Variants in ANO4 observed in about 807,000 individuals in gnomAD.
The protein encoded by ANO4 is anoctamin 4, also known as anoctamin-4.
Under a neutral mutation model 141.9 loss-of-function variants are expected in ANO4, and 69 were observed. The observed-to-expected ratio is 0.49, with a 90% CI of 0.40 to 0.59. The LOEUF (loss-of-function observed/expected upper bound fraction) is 0.59. ANO4 is among the 20% of genes least tolerant of loss of function. The pLI is 0.00. For synonymous variants in ANO4, 350 were observed against 394.3 expected, an observed-to-expected ratio of 0.89 and a Z score of 1.33; for missense variants, 894 against 1,162.2, an observed-to-expected ratio of 0.77 and a Z score of 3.36.
At chr12:101,035,141 AC>A (rs2047143550) in intron 9 of ANO4, among the ~76,000 whole-genome samples, 2 of 152,212 alleles carry the variant, frequency 1.3e-5, no homozygotes, top group Admixed American at 1.3e-4. Context: ...ACTATAAAGG[AC>A]CCAAATGTCT....
chr12:101,080,883 T>TATATATATATATATTATATATATA (rs1491584060), intron 15 of ANO4, among the ~76,000 whole-genome samples: 2 of 74,072 alleles, frequency 2.7e-5, no homozygotes, highest in South Asian at 6.4e-4. Flanking sequence ...TATATATATA[T>TATATATATATATATTATATATATA]TATATATATA....
chr12:100,784,041 A>G (rs1327963085), intron 3 of ANO4, among the ~76,000 whole-genome samples: 3 of 152,118 alleles, frequency 2.0e-5, no homozygotes, highest in Non-Finnish European at 2.9e-5. Context: ...GGCAAGTGCA[A>G]TCTAATGTTC....
At chr12:100,732,485 T>C (rs1368732544) in intron 1 of ANO4, among the ~76,000 whole-genome samples, 1 of 152,176 alleles carries the variant, frequency 6.6e-6, no homozygotes, top group Non-Finnish European at 1.5e-5. Flanking sequence ...TTATCAGATA[T>C]GTGTTTTACA....
At chr12:101,075,599 TA>T (rs756172390) in intron 14 of ANO4, among the ~76,000 whole-genome samples, 1 of 150,994 alleles carries the variant, frequency 6.6e-6, no homozygotes. Context: ...ATACACTTTT[TA>T]ATCAAACTTA....
intron 3 of ANO4, among the ~76,000 whole-genome samples, chr12:100,744,915 A>C (rs1593257218): frequency 2.8e-5 from 4 of 141,660 alleles, no homozygotes; most frequent in Admixed American, 7.1e-5. Flanking sequence ...CCTTTCCCTC[A>C]CTCCCCCTCA....
chr12:100,849,501 CTGTT>C (rs1309817668), intron 1 of ANO4, among the ~76,000 whole-genome samples: 3 of 152,150 alleles, frequency 2.0e-5, no homozygotes, highest in Non-Finnish European at 4.4e-5. Context: ...TGCAGGCTGT[CTGTT>C]TGCTTTTTTA....
chr12:100,812,396 G>A (rs1344127414), intron 1 of ANO4, among the ~76,000 whole-genome samples: 1 of 152,152 alleles, frequency 6.6e-6, no homozygotes, highest in Non-Finnish European at 1.5e-5. Flanking sequence ...TTATAGGGAA[G>A]TAGCTCTGTT....
At chr12:100,905,258 T>C (rs537847526) in intron 2 of ANO4, among the ~76,000 whole-genome samples, 1 of 152,010 alleles carries the variant, frequency 6.6e-6, no homozygotes, top group African/African-American at 2.4e-5. Flanking sequence ...TTTAAAGAAA[T>C]GAGATTGCAA....
In ANO4 at chr12:101,123,442, A is replaced by G. The variant is rs372579237; in HGVS notation, c.2676+2817A>G. Among the ~76,000 whole-genome samples the G allele has an allele frequency of 4.6e-5, 7 of 152,170 alleles. No individual in the cohort carries two copies. The East Asian group carries it at 1.2e-3, about 25-fold the overall frequency. On this transcript the variant is annotated intron_variant, in intron 26 of 27. Coordinates refer to ENST00000392977, the MANE Select transcript of ANO4 (RefSeq NM_001286615.2). Reference sequence around the variant, plus strand: ...CCAGGTATTAAGCTCAGCATCCCTTAGCTATTCTTTCTGATGCTCTCCCTT... The same window carrying G: ...CCAGGTATTAAGCTCAGCATCCCTTGGCTATTCTTTCTGATGCTCTCCCTT...
intron 8 of ANO4, among the ~76,000 whole-genome samples, chr12:100,989,872 ATGGATGGATGGATGGATGGG>A (rs974383140): frequency 4.7e-5 from 7 of 148,910 alleles, no homozygotes; most frequent in African/African-American, 1.5e-4. Context: ...AGGTCACCAG[ATGGATGGATGGATGGATGGG>A]TGGATGGATG....
At chr12:100,927,974 G>A (rs748779421) in intron 3 of ANO4, among the ~76,000 whole-genome samples, 20 of 152,116 alleles carry the variant, frequency 1.3e-4, no homozygotes, top group African/African-American at 4.3e-4. Flanking sequence ...GTGCTTGCAC[G>A]TGTGTCTACA....
At chr12:100,765,745 A>G (rs2033053236) in intron 3 of ANO4, among the ~76,000 whole-genome samples, 1 of 151,228 alleles carries the variant, frequency 6.6e-6, no homozygotes, top group Non-Finnish European at 1.5e-5. Flanking sequence ...AATTTAATTA[A>G]TTAGATTTTA....
chr12:100,718,859 T>C (rs2030731651), intron 1 of ANO4, among the ~76,000 whole-genome samples: 1 of 152,242 alleles, frequency 6.6e-6, no homozygotes, highest in Non-Finnish European at 1.5e-5. Flanking sequence ...ATTTTAGGCA[T>C]ATTCATTGGC....
chr12:100,964,440 C>CA (rs1293103205), intron 5 of ANO4, among the ~76,000 whole-genome samples: 1 of 151,754 alleles, frequency 6.6e-6, no homozygotes, highest in African/African-American at 2.4e-5. Flanking sequence ...CCGTCTCTAT[C>CA]ATTACTATTC....
chr12:100,891,086 C>G (rs142452011), intron 1 of ANO4, among the ~76,000 whole-genome samples: 215 of 152,230 alleles, frequency 1.4e-3, no homozygotes, highest in African/African-American at 5.0e-3. Flanking sequence ...AGTAATGGTT[C>G]TTGAACATTT....
intron 1 of ANO4, among the ~76,000 whole-genome samples, chr12:100,811,157 A>G (rs754459484): frequency 8.5e-5 from 13 of 152,194 alleles, no homozygotes; most frequent in Non-Finnish European, 1.8e-4. Flanking sequence ...GGGCGGTCAC[A>G]GAAACGGACT....
chr12:101,015,439 C>G (rs917014157), intron 8 of ANO4, among the ~76,000 whole-genome samples: 3 of 152,136 alleles, frequency 2.0e-5, no homozygotes, highest in African/African-American at 7.2e-5. Flanking sequence ...ACCAAGGGCC[C>G]TTAATCTATT....
At chr12:101,080,898 T>TA (rs1279951129) in intron 15 of ANO4, among the ~76,000 whole-genome samples, 2 of 124,076 alleles carry the variant, frequency 1.6e-5, no homozygotes, top group African/African-American at 2.9e-5. Context: ...TATATATATA[T>TA]ATACATACAC....
chr12:100,769,520 T>A (rs1405850050), intron 3 of ANO4, among the ~76,000 whole-genome samples: 1 of 152,220 alleles, frequency 6.6e-6, no homozygotes, highest in East Asian at 1.9e-4. Context: ...TCCTAGTTTT[T>A]CTATTTGTGA....
Sources: allele counts gnomAD v4.1 joint callset (sites outside exome capture counted in the v4.1 genomes callset), GRCh38; gene constraint gnomAD v4.1.1; transcripts MANE v1.5; gene names NCBI Gene and HGNC (gene_info 2026-07-23, HGNC 2026-07-21).